The following CYP2J2 variants were observed in gnomAD, a reference collection of about 807,000 sequenced individuals.
CYP2J2 encodes cytochrome P450 family 2 subfamily J member 2, also known as cytochrome P450 2J2.
In CYP2J2, 41 loss-of-function variants were observed where a neutral mutation model predicts 48.8. That is an observed-to-expected ratio of 0.84 (90% CI 0.66 to 1.09). The LOEUF (loss-of-function observed/expected upper bound fraction) is 1.09. Ranked by LOEUF, CYP2J2 falls within the 50% of genes least tolerant of loss-of-function variation. CYP2J2 has a pLI of 0.00. For missense variants in CYP2J2, 644 were observed against 617.3 expected (o/e 1.04, Z -0.46); for synonymous variants, 221 against 227.1 (o/e 0.97, Z 0.24).
rs1333868215 is a variant in CYP2J2 at position 59,916,012 on chromosome 1, G to T, written c.299C>A (p.Ala100Asp). 1.9e-6 allele frequency: 3 copies of T among 1,614,004 alleles called. No homozygotes were observed. Among genetic ancestry groups the T allele is most frequent in the Non-Finnish European group, 1.7e-6 (2 of 1,179,930 alleles). ...LITGLPLIKE[A>D]LIHMDQNFGN... is the part of the protein sequence containing the mutation. ...AAAGTTTTGGTCCATGTGGATAAGG[G>T]CTTCTTTGATTAAGGGCAAGCCAGT... is the stretch of plus-strand genomic sequence containing the variant. Residue 100 changes from alanine (A) to aspartate (D), a missense_variant, in exon 2 of 9, where the codon GCC (alanine) becomes GAC (aspartate). By Grantham distance (126) the Ala-to-Asp change is moderately radical. Coordinates refer to ENST00000371204, the MANE Select transcript of CYP2J2 (RefSeq NM_000775.4).
At chr1:59,965,914 A>G in the CYP2J2 span, among the ~76,000 whole-genome samples, 2 of 152,050 alleles carry the variant, frequency 1.3e-5, no homozygotes, top group African/African-American at 4.8e-5. Context: ...AGCCTCCCAA[A>G]GTGCTGGGAT....
chr1:59,935,021 T>TACACAC, the CYP2J2 span, among the ~76,000 whole-genome samples: 1 of 48,146 alleles, frequency 2.1e-5, no homozygotes, highest in Non-Finnish European at 4.4e-5. Context: ...TATACATATA[T>TACACAC]ATATATATAT....
At chr1:59,893,906 T>G (rs1644246741) in intron 8 of CYP2J2, 77 bp from the exon 9 acceptor site, 1 of 1,402,736 alleles carries the variant, frequency 7.1e-7, no homozygotes, top group African/African-American at 1.4e-5. Context: ...TCCTCAATCA[T>G]ATCCCCAAAA....
chr1:59,900,188 T>C (rs1024537413), intron 8 of CYP2J2, among the ~76,000 whole-genome samples: 1 of 152,194 alleles, frequency 6.6e-6, no homozygotes, highest in African/African-American at 2.4e-5. Context: ...TAGAATCCAA[T>C]CAAGTTAAGC....
intron 8 of CYP2J2, among the ~76,000 whole-genome samples, chr1:59,900,240 CT>C (rs1355234004): frequency 9.9e-5 from 15 of 152,224 alleles, no homozygotes; most frequent in African/African-American, 3.4e-4. Flanking sequence ...TCTCCTTCCC[CT>C]TGTCCCTCTC....
At chr1:59,942,463 G>A in the CYP2J2 span, among the ~76,000 whole-genome samples, 6 of 152,222 alleles carry the variant, frequency 3.9e-5, no homozygotes, top group Non-Finnish European at 5.9e-5. Flanking sequence ...AGGGAGGAGT[G>A]GGGCAATGTT....
the CYP2J2 span, among the ~76,000 whole-genome samples, chr1:59,943,813 T>C: frequency 4.3e-4 from 66 of 152,172 alleles, no homozygotes; most frequent in African/African-American, 1.4e-3. Context: ...AAAAATGAGA[T>C]AAGAACAGAG....
intron 1 of CYP2J2, among the ~76,000 whole-genome samples, chr1:59,921,615 G>A (rs1239995303): frequency 6.6e-6 from 1 of 151,744 alleles, no homozygotes; most frequent in African/African-American, 2.4e-5. Flanking sequence ...TAGGGTTAAG[G>A]CATACTCCCT....
chr1:59,951,372 A>G, the CYP2J2 span, among the ~76,000 whole-genome samples: 2 of 152,218 alleles, frequency 1.3e-5, no homozygotes, highest in Admixed American at 1.3e-4. Flanking sequence ...CTAAGCTTGA[A>G]ATAGTCCTAC....
At chr1:59,925,266 G>A (rs1009968658) in intron 1 of CYP2J2, among the ~76,000 whole-genome samples, 1 of 151,970 alleles carries the variant, frequency 6.6e-6, no homozygotes, top group African/African-American at 2.4e-5. Flanking sequence ...CAAGGATATA[G>A]GCAAACCAAA....
chr1:59,939,808 T>C, the CYP2J2 span, among the ~76,000 whole-genome samples: 5 of 152,058 alleles, frequency 3.3e-5, no homozygotes, highest in East Asian at 9.7e-4. Context: ...CTCTTCCCAT[T>C]TTTCCCTCCT....
chr1:59,944,177 C>G, the CYP2J2 span, among the ~76,000 whole-genome samples: 1 of 152,164 alleles, frequency 6.6e-6, no homozygotes, highest in African/African-American at 2.4e-5. Flanking sequence ...TTGTGTCTAG[C>G]TGTCTAAAGT....
chr1:59,901,541 A>G (rs1450584607), intron 7 of CYP2J2, among the ~76,000 whole-genome samples: 5 of 152,198 alleles, frequency 3.3e-5, no homozygotes. Flanking sequence ...TGGTTTCACC[A>G]TTCTCTTTCC....
At chr1:59,968,072 CGG>C in the CYP2J2 span, among the ~76,000 whole-genome samples, 41 of 152,102 alleles carry the variant, frequency 2.7e-4, no homozygotes, top group African/African-American at 9.9e-4. Context: ...TAATTGTGCA[CGG>C]GGATCTCCAG....
At chr1:59,909,072 G>A (rs571935983) in intron 5 of CYP2J2, among the ~76,000 whole-genome samples, 221 of 152,300 alleles carry the variant, frequency 1.5e-3, no homozygotes, top group Non-Finnish European at 2.7e-3. Context: ...ACAGTAAAGG[G>A]TAGGGGATGG....
chr1:59,932,774 C>T, the CYP2J2 span, among the ~76,000 whole-genome samples: 1 of 150,962 alleles, frequency 6.6e-6, no homozygotes, highest in African/African-American at 2.4e-5. Context: ...AATCATGGCT[C>T]ACTGCAGCCT....
the CYP2J2 span, among the ~76,000 whole-genome samples, chr1:59,952,735 C>T: frequency 6.6e-6 from 1 of 152,144 alleles, no homozygotes; most frequent in East Asian, 1.9e-4. Flanking sequence ...ATCATTTATT[C>T]ATGTGTTCAT....
the CYP2J2 span, among the ~76,000 whole-genome samples, chr1:59,965,510 C>T: frequency 1.7e-4 from 26 of 152,192 alleles, no homozygotes; most frequent in Admixed American, 1.5e-3. Flanking sequence ...GGCCCAGCTT[C>T]GGCAAAGTTG....
chr1:59,946,947 T>C, the CYP2J2 span, among the ~76,000 whole-genome samples: 9 of 151,686 alleles, frequency 5.9e-5, no homozygotes, highest in Non-Finnish European at 1.5e-5. Context: ...TTCTGAAGCA[T>C]TTTAAAAGCA....
Sources: gnomAD v4.1 joint callset for allele counts (sites outside exome capture counted in the v4.1 genomes callset) on GRCh38, gnomAD v4.1.1 for gene constraint, MANE v1.5 for transcripts, NCBI Gene and HGNC (gene_info 2026-07-23, HGNC 2026-07-21) for gene names.